Variants in DDX17 observed in about 807,000 individuals in gnomAD.
The protein encoded by DDX17 is DEAD-box helicase 17.
A neutral mutation model predicts 80.8 loss-of-function variants in DDX17; 10 were observed. That is an observed-to-expected ratio of 0.12 (90% CI 0.08 to 0.21). The LOEUF is 0.21. Ranked by LOEUF, DDX17 falls within the 10% of genes least tolerant of loss-of-function variation. The pLI is 1.00. For synonymous variants in DDX17, 339 were observed against 336.2 expected, an observed-to-expected ratio of 1.01 and a Z score of -0.09; for missense variants, 586 against 957.4, an observed-to-expected ratio of 0.61 and a Z score of 5.12.
At chr22:38,505,548 C>A in intron 1 of DDX17, 1 of 186,694 alleles carries the variant, frequency 5.4e-6, no homozygotes. Context: ...TCAGGAAGAT[C>A]CGCGTTTTTC....
chr22:38,506,094 C>T lies in DDX17; in HGVS notation c.144G>A (p.Ala48=). 6.3e-7 allele frequency: 1 copy of T among 1,576,886 alleles called. No homozygotes were observed. Among genetic ancestry groups the T allele is most frequent in the African/African-American group, 1.4e-5 (1 of 74,026 alleles). Reference sequence around the variant, plus strand: ...GTCTGGTGACGACCGATGGCGGCGGCGCCTCCGCTGTTGGGGCGGCGGCAG... The same window carrying T: ...GTCTGGTGACGACCGATGGCGGCGGTGCCTCCGCTGTTGGGGCGGCGGCAG... Residue 48 remains alanine, a synonymous_variant, in exon 1 of 13, where the codon GCG becomes GCA. Coordinates refer to ENST00000403230, the MANE Select transcript of DDX17 (RefSeq NM_006386.5).
chr22:38,494,000 T>C (rs375471608), intron 9 of DDX17, 21 bp downstream of exon 9: 367 of 1,565,726 alleles, frequency 2.3e-4, no homozygotes, highest in Non-Finnish European at 2.9e-4. Flanking sequence ...CAGAGGTTAA[T>C]TGCCTTGGTG....
rs992511368 is a variant in DDX17 at position 38,483,633 on chromosome 22, C to T, written c.*2302G>A. On this transcript the variant is annotated 3_prime_UTR_variant, in exon 13 of 13. Coordinates refer to ENST00000403230, the MANE Select transcript of DDX17 (RefSeq NM_006386.5). ...CCAGCAAGAACATCAATAGAGAGCA[C>T]TGATCCCAAGCAAAAGCCACTAACC... The T allele has an allele frequency of 2.6e-5, 4 of 152,628 alleles. No individual in the cohort carries two copies. The highest frequency in any genetic ancestry group is 4.4e-5 in the Non-Finnish European group (3 of 68,054). 9.5% of individuals were successfully genotyped at this position (152,628 alleles called of 1,614,324 possible).
At chr22:38,494,213 C>T in intron 8 of DDX17, 82 bp from the exon 9 acceptor site, 2 of 944,986 alleles carry the variant, frequency 2.1e-6, no homozygotes, top group South Asian at 2.9e-5. Context: ...ACTCCCAAGG[C>T]TACAGTACTT....
intron 5 of DDX17, among the ~76,000 whole-genome samples, chr22:38,497,619 C>CAAAAAAAAAAAAAAAAAAAA (rs138449): frequency 4.7e-4 from 35 of 74,876 alleles, no homozygotes; most frequent in African/African-American, 1.9e-3. Flanking sequence ...AATATATCTC[C>CAAAAAAAAAAAAAAAAAAAA]AAAAAAAAAA....
In DDX17 at chr22:38,485,118, T is replaced by C. The variant is rs958315451; in HGVS notation, c.*817A>G. The C allele has an allele frequency of 2.6e-5, 4 of 152,230 alleles. No homozygotes were observed. Among genetic ancestry groups the C allele is most frequent in the Non-Finnish European group, 4.4e-5 (3 of 68,054 alleles). The allele number at this position is 152,230 out of a possible 1,614,324, so 9.4% of individuals were successfully genotyped here. A position where few individuals can be genotyped will look rare whatever the true frequency, so the allele number is the denominator to read the frequency against. On this transcript the variant is annotated 3_prime_UTR_variant, in exon 13 of 13. Coordinates refer to ENST00000403230, the MANE Select transcript of DDX17 (RefSeq NM_006386.5). ...AGCAGCTGTCTGGATGGAAAATTAA[T>C]TTCACAGATGGTCCCCAGTTAAACT...
At chr22:38,487,822 A>C in intron 12 of DDX17, 57 bp downstream of exon 12, 1 of 1,590,924 alleles carries the variant, frequency 6.3e-7, no homozygotes. Context: ...AGCAAGTCAC[A>C]GAAGGCGTAA....
chr22:38,494,054 C>T lies in DDX17; in HGVS notation c.1292G>A (p.Cys431Tyr). ...GCGCATCCTTCGAGTCAGATCATCA[C>T]AGCGTCTCTTTGTCTCCACAAATAT... Residue 431 changes from cysteine to tyrosine, a missense_variant, in exon 9 of 13, where the codon TGT becomes TAT. This residue lies in a region of DDX17 where 141 missense variants were observed against 379.3 expected (regional missense o/e 0.37). Transcript: ENST00000403230. 1 of 1,614,122 alleles carries T rather than the reference C, an allele frequency of 6.2e-7. No homozygotes were observed. The highest frequency in any genetic ancestry group is 8.5e-7 in the Non-Finnish European group (1 of 1,179,978).
intron 2 of DDX17, 26 bp from the exon 3 acceptor site, chr22:38,499,525 A>T (rs1460043138): frequency 6.6e-7 from 1 of 1,520,384 alleles, no homozygotes; most frequent in Admixed American, 1.7e-5. Flanking sequence ...GAAAGAAGTT[A>T]GTAAACTAGT....
At chr22:38,501,001 ATTT>A (rs1162251081) in intron 2 of DDX17, 126 bp downstream of exon 2, 5 of 1,299,594 alleles carry the variant, frequency 3.8e-6, no homozygotes, top group Middle Eastern at 2.7e-4. Context: ...TAACCAAAAA[ATTT>A]TTTAAGAAAA....
Position 38,485,676 on chromosome 22 carries a change from CTA to C in DDX17, c.*257_*258del, listed in dbSNP as rs34173681. The C allele has an allele frequency of 0.023, 3,569 of 154,280 alleles. 145 individuals are homozygous for C. The highest frequency in any genetic ancestry group is 0.091 in the African/African-American group (3,375 of 37,026). 9.6% of individuals were successfully genotyped at this position (154,280 alleles called of 1,614,324 possible). On this transcript the variant is annotated 3_prime_UTR_variant, in exon 13 of 13. Transcript: ENST00000403230. ...GAAGAAATTAATCTCTTCCAGTCAG[CTA>C]TATATATATATATATATTTTTTTTT...
chr22:38,492,028 A>C lies in DDX17; in HGVS notation c.1447+28T>G, dbSNP rs535102243. 7.8e-6 allele frequency: 12 copies of C among 1,544,150 alleles called. No homozygotes were observed. The Admixed American group carries it at 1.3e-4, about 17-fold the overall frequency. On this transcript the variant is annotated intron_variant, in intron 11 of 12. Transcript: ENST00000403230. ...CTTTAAACCAAAAGATACATATACC[A>C]TTGACAGAGACACCTATCTATACAA... is the stretch of plus-strand genomic sequence containing the variant.
At chr22:38,495,172 A>G (rs2089748351) in intron 6 of DDX17, 126 bp from the exon 7 acceptor site, 1 of 850,386 alleles carries the variant, frequency 1.2e-6, no homozygotes. Flanking sequence ...CCTGGTCAAC[A>G]TAGCAAGACC....
At chr22:38,501,837 C>T (rs2089833919) in intron 1 of DDX17, among the ~76,000 whole-genome samples, 1 of 152,220 alleles carries the variant, frequency 6.6e-6, no homozygotes. Flanking sequence ...TGAAGTGGTG[C>T]TGTGCTGGAG....
At chr22:38,499,993 C>T (rs961314453) in intron 2 of DDX17, among the ~76,000 whole-genome samples, 4 of 150,570 alleles carry the variant, frequency 2.7e-5, no homozygotes, top group African/African-American at 9.8e-5. Flanking sequence ...GGTGAAACTC[C>T]GTCTCTACTG....
At chr22:38,500,868 C>T (rs577328460) in intron 2 of DDX17, among the ~76,000 whole-genome samples, 58 of 138,376 alleles carry the variant, frequency 4.2e-4, no homozygotes, top group African/African-American at 7.3e-4. Context: ...CAGTGGCTCA[C>T]GCCTGTAATC....
chr22:38,502,587 TCTTG>T (rs2089841584), intron 1 of DDX17, among the ~76,000 whole-genome samples: 1 of 152,294 alleles, frequency 6.6e-6, no homozygotes, highest in East Asian at 1.9e-4. Context: ...AAGATCAACT[TCTTG>T]CTTTTTATAT....
chr22:38,504,043 GA>G (rs2145713915), intron 1 of DDX17, among the ~76,000 whole-genome samples: 1 of 152,260 alleles, frequency 6.6e-6, no homozygotes, highest in Non-Finnish European at 1.5e-5. Context: ...ATGGTGAAAG[GA>G]AATATTAAAC....
At chr22:38,494,424 G>T in intron 8 of DDX17, 1 of 636,552 alleles carries the variant, frequency 1.6e-6, no homozygotes, top group East Asian at 2.8e-5. Context: ...AATCAGCAGA[G>T]CTAAATTTCA....
Sources: gnomAD v4.1 joint callset for allele counts (sites outside exome capture counted in the v4.1 genomes callset) on GRCh38, gnomAD v4.1.1 for gene constraint, gnomAD v4.1.1 regional missense constraint, MANE v1.5 for transcripts, NCBI Gene and HGNC (gene_info 2026-07-23, HGNC 2026-07-21) for gene names.